Variants in ARHGEF3 observed in about 807,000 individuals in gnomAD.
The protein encoded by ARHGEF3 is 59.8 kDA protein.
ARHGEF3 carries 28 observed loss-of-function variants against 63.2 expected under a neutral mutation model. That is an observed-to-expected ratio of 0.44 (90% CI 0.33 to 0.61). The LOEUF (loss-of-function observed/expected upper bound fraction) is 0.61, where lower values mean the gene tolerates loss of function less well. Among genes scored for constraint, ARHGEF3 ranks in the 20% least tolerant of loss-of-function variants. The pLI is 0.03. For synonymous variants in ARHGEF3, 266 were observed against 254.2 expected (o/e 1.05, Z -0.44); for missense variants, 533 against 659.3 (o/e 0.81, Z 2.10).
intron 1 of ARHGEF3, among the ~76,000 whole-genome samples, chr3:57,070,456 G>A (rs778246061): frequency 6.6e-5 from 10 of 152,188 alleles, no homozygotes; most frequent in Non-Finnish European, 1.3e-4. Context: ...CTACTCAGCA[G>A]ACTCAATGAC....
intron 3 of ARHGEF3, among the ~76,000 whole-genome samples, chr3:56,958,151 T>C (rs1233983087): frequency 6.6e-6 from 1 of 152,118 alleles, no homozygotes; most frequent in Admixed American, 6.5e-5. Context: ...ACATTTCTGA[T>C]TTCTTTTTTC....
intron 7 of ARHGEF3, among the ~76,000 whole-genome samples, chr3:56,743,270 A>T (rs1440107715): frequency 5.9e-5 from 9 of 152,180 alleles, no homozygotes; most frequent in Admixed American, 5.9e-4. Context: ...CTTCTTTTCT[A>T]TCCTACTTGG....
At chr3:56,964,167 T>C (rs535854295) in intron 2 of ARHGEF3, among the ~76,000 whole-genome samples, 14 of 151,848 alleles carry the variant, frequency 9.2e-5, no homozygotes, top group African/African-American at 2.9e-4. Context: ...GTCTGGAAAA[T>C]ATGGTGAAAC....
intron 4 of ARHGEF3, among the ~76,000 whole-genome samples, chr3:56,853,207 G>T (rs1218543677): frequency 6.6e-6 from 1 of 152,142 alleles, no homozygotes; most frequent in African/African-American, 2.4e-5. Context: ...AATCTGGGGT[G>T]GTGACAAGCC....
rs560085562 is a variant in ARHGEF3 at position 56,977,133 on chromosome 3, G to A, written c.63-18244C>T. ...TTAGAAATGCCTCACAGCTACTAAA[G>A]GGTAAGGCCAGACAGTCCAATTCCA... is the stretch of plus-strand genomic sequence containing the variant. On this transcript the variant is annotated intron_variant, in intron 2 of 12. Transcript: ENST00000338458. 2.7e-5 allele frequency: 11 copies of A among 411,136 alleles called. No individual in the cohort carries two copies. The East Asian group carries it at 4.2e-4, about 16-fold the overall frequency. 25.5% of individuals were successfully genotyped at this position (411,136 alleles called of 1,614,324 possible).
chr3:57,030,300 G>A (rs923689263), intron 2 of ARHGEF3, among the ~76,000 whole-genome samples: 2 of 152,210 alleles, frequency 1.3e-5, no homozygotes, highest in Admixed American at 6.5e-5. Flanking sequence ...TAGCAGAACC[G>A]GCAAGGAGGA....
chr3:56,916,254 G>A lies in ARHGEF3; in HGVS notation c.130-33900C>T. On this transcript the variant is annotated intron_variant, in intron 3 of 12. Coordinates refer to the ARHGEF3 transcript ENST00000338458. ...TCAGATCCTGGCACCACCCCACCCG[G>A]CTCGGGTGGGAGTTGAGAGCCGGCC... 3 of 1,518,374 alleles carry A rather than the reference G, an allele frequency of 2.0e-6. No homozygotes were observed. The South Asian group carries it at 3.7e-5, about 19-fold the overall frequency. 94.1% of individuals were successfully genotyped at this position (1,518,374 alleles called of 1,614,324 possible). A position where few individuals can be genotyped will look rare whatever the true frequency, so the allele number is the denominator to read the frequency against.
intron 2 of ARHGEF3, among the ~76,000 whole-genome samples, chr3:56,991,726 C>T (rs1701752210): frequency 6.6e-6 from 1 of 152,070 alleles, no homozygotes; most frequent in Non-Finnish European, 1.5e-5. Context: ...GCAATTCTCC[C>T]ACCTCCGCCT....
intron 4 of ARHGEF3, among the ~76,000 whole-genome samples, chr3:56,875,830 G>C (rs978005963): frequency 6.6e-6 from 1 of 152,208 alleles, no homozygotes; most frequent in Non-Finnish European, 1.5e-5. Context: ...AAAAAGAGTG[G>C]AACACAGCCC....
intron 8 of ARHGEF3, among the ~76,000 whole-genome samples, chr3:56,736,356 G>A (rs2033625633): frequency 6.6e-6 from 1 of 152,144 alleles, no homozygotes; most frequent in Non-Finnish European, 1.5e-5. Context: ...AGCAGAAGAG[G>A]AACCATTTCA....
intron 1 of ARHGEF3, among the ~76,000 whole-genome samples, chr3:57,055,396 A>G (rs2107320595): frequency 6.6e-6 from 1 of 152,234 alleles, no homozygotes; most frequent in African/African-American, 2.4e-5. Context: ...GCCTGACCTC[A>G]GGTGATCTGC....
chr3:56,934,436 C>T (rs991868529), intron 3 of ARHGEF3, among the ~76,000 whole-genome samples: 10 of 152,230 alleles, frequency 6.6e-5, no homozygotes, highest in African/African-American at 2.2e-4. Flanking sequence ...GGCTGAAGCC[C>T]ATTCCCTCAG....
intron 4 of ARHGEF3, among the ~76,000 whole-genome samples, chr3:56,870,384 T>A (rs1361306184): frequency 6.6e-6 from 1 of 152,172 alleles, no homozygotes; most frequent in Admixed American, 6.5e-5. Flanking sequence ...GGCTATATAC[T>A]GTATCCTTCC....
At position 57,002,483 on chromosome 3, in the gene ARHGEF3, A is replaced by ATATATATATATATATATATATGT; in HGVS notation, c.62+32604_62+32605insACATATATATATATATATATATA. ...AGCACTATATATATATATATGTTAT[A>ATATATATATATATATATATATGT]TATATATATATATGTTATATATATA... is the stretch of plus-strand genomic sequence containing the variant. On this transcript the variant is annotated intron_variant, in intron 2 of 12. Transcript: ENST00000338458. Among the ~76,000 whole-genome samples the ATATATATATATATATATATATGT allele has an allele frequency of 4.7e-4, 19 of 40,684 alleles. 2 individuals are homozygous for ATATATATATATATATATATATGT. Among genetic ancestry groups the ATATATATATATATATATATATGT allele is most frequent in the Admixed American group, 6.8e-4 (2 of 2,920 alleles). 26.7% of individuals were successfully genotyped at this position (40,684 alleles called of 152,430 possible). A position where few individuals can be genotyped will look rare whatever the true frequency, so the allele number is the denominator to read the frequency against.
At chr3:56,879,742 T>C (rs1652998922) in intron 4 of ARHGEF3, among the ~76,000 whole-genome samples, 2 of 151,986 alleles carry the variant, frequency 1.3e-5, no homozygotes, top group Non-Finnish European at 2.9e-5. Flanking sequence ...GGACAGTGAC[T>C]CTATTAGATA....
At chr3:56,850,152 G>A (rs895023017) in intron 4 of ARHGEF3, among the ~76,000 whole-genome samples, 5 of 152,072 alleles carry the variant, frequency 3.3e-5, no homozygotes, top group African/African-American at 1.2e-4. Context: ...GTAGGTACAA[G>A]GCACTGCAGT....
At chr3:56,959,964 G>A (rs938020933) in intron 2 of ARHGEF3, among the ~76,000 whole-genome samples, 7 of 152,202 alleles carry the variant, frequency 4.6e-5, no homozygotes, top group East Asian at 1.9e-4. Flanking sequence ...GTGACAGAGC[G>A]AGACTCCATC....
chr3:56,813,320 C>G (rs1229395102), intron 4 of ARHGEF3, among the ~76,000 whole-genome samples: 1 of 152,148 alleles, frequency 6.6e-6, no homozygotes, highest in Non-Finnish European at 1.5e-5. Context: ...AGAATTTGAT[C>G]TGTATTTTCT....
chr3:56,944,245 CT>C (rs1211591618), intron 3 of ARHGEF3, among the ~76,000 whole-genome samples: 1 of 152,186 alleles, frequency 6.6e-6, no homozygotes, highest in African/African-American at 2.4e-5. Flanking sequence ...AGTGTTTCCT[CT>C]GGTGGCTGTG....
Sources: allele counts gnomAD v4.1 joint callset (sites outside exome capture counted in the v4.1 genomes callset), GRCh38; gene constraint gnomAD v4.1.1; transcripts MANE v1.5; gene names NCBI Gene and HGNC (gene_info 2026-07-23, HGNC 2026-07-21).